The following QTMAN variants were observed in gnomAD, a reference collection of about 807,000 sequenced individuals.
QTMAN encodes tRNA-queuosine alpha-mannosyltransferase.
chr2:144,056,646 C>G, the QTMAN span, among the ~76,000 whole-genome samples: 1 of 152,210 alleles, frequency 6.6e-6, no homozygotes, highest in East Asian at 1.9e-4. Flanking sequence ...AATAGTCATA[C>G]TCAATCTTCA....
chr2:144,247,892 T>G, the QTMAN span, among the ~76,000 whole-genome samples: 1 of 152,178 alleles, frequency 6.6e-6, no homozygotes, highest in African/African-American at 2.4e-5. Flanking sequence ...GGTTTCACCA[T>G]ACTGCCCAGG....
the QTMAN span, among the ~76,000 whole-genome samples, chr2:144,092,403 C>T: frequency 6.8e-6 from 1 of 147,868 alleles, no homozygotes; most frequent in Non-Finnish European, 1.5e-5. Flanking sequence ...TCTTGATCTC[C>T]TGACCTTGTG....
the QTMAN span, among the ~76,000 whole-genome samples, chr2:144,001,183 C>T: frequency 6.6e-6 from 1 of 151,908 alleles, no homozygotes; most frequent in Non-Finnish European, 1.5e-5. Flanking sequence ...TATTTTTAAA[C>T]CTCAGAGAGT....
the QTMAN span, among the ~76,000 whole-genome samples, chr2:144,086,099 C>A: frequency 3.9e-5 from 6 of 152,138 alleles, no homozygotes; most frequent in Non-Finnish European, 7.3e-5. Context: ...CCTCAACAGG[C>A]ATGCAAGTTT....
the QTMAN span, among the ~76,000 whole-genome samples, chr2:144,283,126 C>T: frequency 6.6e-6 from 1 of 152,182 alleles, no homozygotes; most frequent in South Asian, 2.1e-4. Context: ...TCCCTGAGTT[C>T]TGTGAGCTGA....
chr2:144,254,669 C>A, the QTMAN span, among the ~76,000 whole-genome samples: 1 of 152,204 alleles, frequency 6.6e-6, no homozygotes, highest in Non-Finnish European at 1.5e-5. Context: ...CAGACCCCAC[C>A]CCAAAATGGG....
chr2:143,958,041 A>G, the QTMAN span, among the ~76,000 whole-genome samples: 1 of 152,120 alleles, frequency 6.6e-6, no homozygotes, highest in Non-Finnish European at 1.5e-5. Flanking sequence ...GCAAATCTTA[A>G]TATTCCTTCT....
At chr2:144,111,551 A>G in the QTMAN span, among the ~76,000 whole-genome samples, 2 of 152,210 alleles carry the variant, frequency 1.3e-5, no homozygotes, top group Non-Finnish European at 2.9e-5. Context: ...ACTGGTCTGA[A>G]CACTGACACT....
chr2:143,959,083 C>T, the QTMAN span, among the ~76,000 whole-genome samples: 2 of 151,912 alleles, frequency 1.3e-5, no homozygotes, highest in African/African-American at 4.8e-5. Context: ...AAGCAATTAT[C>T]GAACACCAAC....
At chr2:144,273,449 G>A in the QTMAN span, among the ~76,000 whole-genome samples, 7 of 152,198 alleles carry the variant, frequency 4.6e-5, no homozygotes, top group Non-Finnish European at 8.8e-5. Flanking sequence ...TAAAAAACAG[G>A]AAACAAGGCT....
At chr2:144,161,212 C>T in the QTMAN span, among the ~76,000 whole-genome samples, 1,520 of 152,120 alleles carry the variant, frequency 1.0e-2, 28 homozygotes, top group African/African-American at 0.033. Context: ...TTATTTATGA[C>T]CAAAAGCTTC....
the QTMAN span, among the ~76,000 whole-genome samples, chr2:144,192,899 T>C: frequency 6.6e-6 from 1 of 152,224 alleles, no homozygotes; most frequent in Non-Finnish European, 1.5e-5. Context: ...TAATTTTTTT[T>C]GGCAGCTATG....
the QTMAN span, among the ~76,000 whole-genome samples, chr2:144,194,524 G>A: frequency 2.0e-5 from 3 of 152,318 alleles, no homozygotes; most frequent in Admixed American, 6.5e-5. Flanking sequence ...GCTAATATTT[G>A]TAAGTTGGGA....
the QTMAN span, among the ~76,000 whole-genome samples, chr2:143,972,099 T>C: frequency 6.6e-6 from 1 of 152,162 alleles, no homozygotes; most frequent in Admixed American, 6.5e-5. Flanking sequence ...TAAGATGATG[T>C]ATTTTACATA....
the QTMAN span, among the ~76,000 whole-genome samples, chr2:144,124,082 G>C: frequency 6.6e-6 from 1 of 152,092 alleles, no homozygotes; most frequent in South Asian, 2.1e-4. Context: ...GATTCTGGAA[G>C]ACAGAAGAAC....
the QTMAN span, among the ~76,000 whole-genome samples, chr2:144,195,024 C>T: frequency 6.6e-6 from 1 of 152,166 alleles, no homozygotes; most frequent in African/African-American, 2.4e-5. Context: ...TGTAACTATT[C>T]ATGCCCCATC....
chr2:144,116,643 A>G, the QTMAN span, among the ~76,000 whole-genome samples: 19 of 152,228 alleles, frequency 1.2e-4, no homozygotes, highest in Admixed American at 6.5e-4. Flanking sequence ...TCAACCTGAG[A>G]GAGAGAGCAC....
At chr2:143,992,976 C>T in the QTMAN span, among the ~76,000 whole-genome samples, 1 of 152,048 alleles carries the variant, frequency 6.6e-6, no homozygotes, top group Admixed American at 6.5e-5. Context: ...ACAACAACAA[C>T]AACAGAATAG....
chr2:144,235,122 G>A, the QTMAN span, among the ~76,000 whole-genome samples: 1 of 152,106 alleles, frequency 6.6e-6, no homozygotes, highest in South Asian at 2.1e-4. Context: ...ATAGTTGCAG[G>A]CAAGGCATTC....
Sources: gnomAD v4.1 joint callset for allele counts (sites outside exome capture counted in the v4.1 genomes callset) on GRCh38, gnomAD v4.1.1 for gene constraint, MANE v1.5 for transcripts, NCBI Gene and HGNC (gene_info 2026-07-23, HGNC 2026-07-21) for gene names.